Variants in RGS6 observed in about 807,000 individuals in gnomAD.
RGS6 encodes the protein regulator of G protein signaling 6.
RGS6 carries 30 observed loss-of-function variants against 78.5 expected under a neutral mutation model. The observed-to-expected ratio is 0.38, with a 90% CI of 0.29 to 0.52. The LOEUF is 0.52. Ranked by LOEUF, RGS6 falls within the 20% of genes least tolerant of loss-of-function variation. The pLI, the probability that RGS6 is intolerant of heterozygous loss-of-function variation, is 0.85. For missense variants in RGS6, 495 were observed against 609.7 expected (o/e 0.81, Z 1.98); for synonymous variants, 206 against 206.0 (o/e 1.00, Z 0.00).
chr14:72,586,649 G>A, the RGS6 span, among the ~76,000 whole-genome samples: 40 of 152,078 alleles, frequency 2.6e-4, no homozygotes, highest in East Asian at 6.6e-3. Flanking sequence ...CTGACCTTTC[G>A]TGCAGAGCTT....
At chr14:72,060,102 A>G (rs1475413010) in intron 2 of RGS6, among the ~76,000 whole-genome samples, 1 of 152,176 alleles carries the variant, frequency 6.6e-6, no homozygotes, top group Non-Finnish European at 1.5e-5. Context: ...GTCCTGTGCC[A>G]TGAGGAGATG....
At chr14:72,321,042 CATATA>C (rs928341993) in intron 2 of RGS6, among the ~76,000 whole-genome samples, 30 of 150,794 alleles carry the variant, frequency 2.0e-4, no homozygotes, top group East Asian at 1.4e-3. Flanking sequence ...AATATGTAAA[CATATA>C]ATATATATTA....
intron 2 of RGS6, among the ~76,000 whole-genome samples, chr14:72,172,858 G>A (rs1350709658): frequency 6.6e-6 from 1 of 152,204 alleles, no homozygotes; most frequent in African/African-American, 2.4e-5. Context: ...AAGCGCTTCT[G>A]ATGACAAATA....
intron 2 of RGS6, among the ~76,000 whole-genome samples, chr14:72,203,245 A>T (rs1452303343): frequency 6.6e-6 from 1 of 152,234 alleles, no homozygotes; most frequent in Non-Finnish European, 1.5e-5. Context: ...GATAGCATCT[A>T]TCATGTATAT....
intron 2 of RGS6, among the ~76,000 whole-genome samples, chr14:72,315,268 C>CA (rs1207346932): frequency 1.3e-5 from 2 of 152,192 alleles, no homozygotes; most frequent in Non-Finnish European, 2.9e-5. Flanking sequence ...AGAGAAATAA[C>CA]AGAGTCTGGA....
At chr14:72,470,468 A>T (rs1269341148) in intron 8 of RGS6, among the ~76,000 whole-genome samples, 1 of 152,252 alleles carries the variant, frequency 6.6e-6, no homozygotes, top group Admixed American at 6.5e-5. Context: ...AGGAAGAACA[A>T]CAAGTAGCCC....
At chr14:72,229,199 T>C (rs1249138391) in intron 2 of RGS6, among the ~76,000 whole-genome samples, 1 of 152,188 alleles carries the variant, frequency 6.6e-6, no homozygotes, top group Non-Finnish European at 1.5e-5. Context: ...TGAGCAATTT[T>C]AAATTAAAAT....
rs1188769217 is a variant in RGS6 at position 72,284,466 on chromosome 14, G to A, written c.85-67629G>A. Among the ~76,000 whole-genome samples the A allele has an allele frequency of 2.0e-5, 3 of 152,234 alleles. No homozygotes were observed. The South Asian group carries it at 6.2e-4, about 31-fold the overall frequency. ...TATAGCTGGGGCCATGGCTTCAGAA[G>A]GTGCAAGCCCCAAGACTTGGCAGCT... On this transcript the variant is annotated intron_variant, in intron 2 of 17. Transcript: ENST00000553525.
intron 2 of RGS6, among the ~76,000 whole-genome samples, chr14:72,215,822 A>G (rs561073126): frequency 3.3e-5 from 5 of 152,348 alleles, no homozygotes; most frequent in East Asian, 1.9e-4. Context: ...CATAAAGTAC[A>G]TTGATTTCTT....
At chr14:72,526,484 A>G (rs1198668188) in intron 15 of RGS6, among the ~76,000 whole-genome samples, 1 of 150,552 alleles carries the variant, frequency 6.6e-6, no homozygotes, top group Admixed American at 6.6e-5. Context: ...TTGAAGCTAC[A>G]CTTTTCTAAG....
At position 72,400,083 on chromosome 14, in the gene RGS6, T is replaced by C. The variant is rs529274501; in HGVS notation, c.184+47889T>C. On this transcript the variant is annotated intron_variant, in intron 3 of 17. Coordinates refer to ENST00000553525, the MANE Select transcript of RGS6 (RefSeq NM_001204424.2). ...AGAAGAGCAACTCCAAGACACATCA[T>C]TGTCTGATTCACCGAAGTTGAAATG... 2.2e-4 allele frequency among the ~76,000 whole-genome samples: 33 copies of C among 152,238 alleles called. 1 individual carries two copies. The highest frequency in any genetic ancestry group is 7.5e-4 in the African/African-American group (31 of 41,546).
chr14:71,964,733 T>A (rs775846627), intron 1 of RGS6, 39 bp from the exon 2 acceptor site: 27 of 1,412,442 alleles, frequency 1.9e-5, no homozygotes, highest in Non-Finnish European at 2.6e-5. Flanking sequence ...TTTATATAAT[T>A]CCTTCGTGAC....
At chr14:71,990,848 G>A (rs947760508) in intron 2 of RGS6, 2 of 455,912 alleles carry the variant, frequency 4.4e-6, no homozygotes, top group Non-Finnish European at 8.8e-6. Flanking sequence ...GTAGAACATA[G>A]CTTATTTCTT....
rs189134572 is a variant in RGS6 at position 72,196,847 on chromosome 14, T to C, written c.85-155248T>C. On this transcript the variant is annotated intron_variant, in intron 2 of 17. Coordinates refer to ENST00000553525, the MANE Select transcript of RGS6 (RefSeq NM_001204424.2). ...TGAAATGAGCATTCCCCAAGGCTGA[T>C]GTAGCCGCTTCATGCTAAGTGTTGA... Among the ~76,000 whole-genome samples the C allele has an allele frequency of 9.2e-5, 14 of 152,350 alleles. No individual in the cohort carries two copies. The East Asian group carries it at 2.5e-3, about 27-fold the overall frequency.
chr14:72,478,563 G>A (rs1012905454), intron 12 of RGS6, among the ~76,000 whole-genome samples: 1 of 152,148 alleles, frequency 6.6e-6, no homozygotes, highest in African/African-American at 2.4e-5. Flanking sequence ...GTGGCCACGG[G>A]ACCTTGTCAA....
chr14:72,105,957 G>T (rs2095624256), intron 2 of RGS6, among the ~76,000 whole-genome samples: 1 of 152,176 alleles, frequency 6.6e-6, no homozygotes, highest in Non-Finnish European at 1.5e-5. Context: ...ATAAACCATT[G>T]TAAGACGTCT....
At chr14:72,176,121 G>C (rs1481400336) in intron 2 of RGS6, among the ~76,000 whole-genome samples, 1 of 152,172 alleles carries the variant, frequency 6.6e-6, no homozygotes, top group Non-Finnish European at 1.5e-5. Context: ...GATTTTTCCA[G>C]TCCACCCCTT....
Position 72,043,638 on chromosome 14 carries a change from G to T in RGS6, c.84+78763G>T, listed in dbSNP as rs188084388. Among the ~76,000 whole-genome samples, 128 of 151,982 alleles carry T rather than the reference G, an allele frequency of 8.4e-4. 2 individuals are homozygous for T. The highest frequency in any genetic ancestry group is 1.8e-3 in the Admixed American group (28 of 15,274). On this transcript the variant is annotated intron_variant, in intron 2 of 17. Coordinates refer to ENST00000553525, the MANE Select transcript of RGS6 (RefSeq NM_001204424.2). Reference sequence around the variant, plus strand: ...CTCTATAGATGTTTCCCTCCTTTTGGCTTCTTTCAAAATTTCTTATTTGAC... The same window carrying T: ...CTCTATAGATGTTTCCCTCCTTTTGTCTTCTTTCAAAATTTCTTATTTGAC...
At chr14:72,185,880 C>T (rs531581808) in intron 2 of RGS6, among the ~76,000 whole-genome samples, 5 of 152,150 alleles carry the variant, frequency 3.3e-5, no homozygotes, top group African/African-American at 7.2e-5. Flanking sequence ...GAGTCAAGGC[C>T]GCAATGAGCT....
Sources: gnomAD v4.1 joint callset for allele counts (sites outside exome capture counted in the v4.1 genomes callset) on GRCh38, gnomAD v4.1.1 for gene constraint, MANE v1.5 for transcripts, NCBI Gene and HGNC (gene_info 2026-07-23, HGNC 2026-07-21) for gene names.